ARMC1: variants seen among roughly 807,000 people sequenced by gnomAD.
ARMC1 encodes armadillo repeat containing 1.
ARMC1 carries 16 observed loss-of-function variants against 31.4 expected under a neutral mutation model. The ratio of observed to expected loss-of-function variants is 0.51; its 90% CI spans 0.34 to 0.77. ARMC1 has a LOEUF of 0.77. Among genes scored for constraint, ARMC1 ranks in the 30% least tolerant of loss-of-function variants. ARMC1 has a pLI of 0.01. For synonymous variants in ARMC1, 114 were observed against 118.9 expected (o/e 0.96, Z 0.27); for missense variants, 259 against 347.5 (o/e 0.75, Z 2.02).
At chr8:65,618,279 T>C (rs907495497) in intron 3 of ARMC1, among the ~76,000 whole-genome samples, 1 of 151,528 alleles carries the variant, frequency 6.6e-6, no homozygotes, top group Non-Finnish European at 1.5e-5. Context: ...TCCCAGCACT[T>C]TGGGAGGCCG....
chr8:65,604,274 G>C lies in ARMC1; in HGVS notation c.*120C>G. 1 of 885,112 alleles carries C rather than the reference G, an allele frequency of 1.1e-6. No individual in the cohort carries two copies. 54.8% of individuals were successfully genotyped at this position (885,112 alleles called of 1,614,324 possible). On this transcript the variant is annotated 3_prime_UTR_variant, in exon 7 of 7. Coordinates refer to ENST00000276569, the MANE Select transcript of ARMC1 (RefSeq NM_018120.6). ...ATAAAACGTGAAATGCAGCATATGC[G>C]ATCGTGTAATCTAAAAACTTTTCAT...
At chr8:65,613,464 T>C (rs996473642) in intron 3 of ARMC1, 31 bp from the exon 4 acceptor site, 6 of 1,443,916 alleles carry the variant, frequency 4.2e-6, no homozygotes, top group East Asian at 2.4e-5. Flanking sequence ...TAATTAGTCT[T>C]GTCACTTCTA....
At position 65,624,919 on chromosome 8, in the gene ARMC1, G is replaced by A. The variant is rs148432857; in HGVS notation, c.183+2297C>T. Reference sequence around the variant, plus strand: ...GCAGATCACCTGAGGTCATGAGTTCGAGACTAGCCTGGCCAACATGGTGAA... The same window carrying A: ...GCAGATCACCTGAGGTCATGAGTTCAAGACTAGCCTGGCCAACATGGTGAA... On this transcript the variant is annotated intron_variant, in intron 2 of 6. Coordinates refer to ENST00000276569, the MANE Select transcript of ARMC1 (RefSeq NM_018120.6). Among the ~76,000 whole-genome samples the A allele has an allele frequency of 9.3e-4, 141 of 152,164 alleles. 1 individual carries two copies. Among genetic ancestry groups the A allele is most frequent in the African/African-American group, 3.0e-3 (123 of 41,514 alleles).
intron 3 of ARMC1, among the ~76,000 whole-genome samples, 180 bp from the exon 4 acceptor site, chr8:65,613,613 C>T: frequency 6.6e-6 from 1 of 152,172 alleles, no homozygotes. Context: ...TAATAATCTT[C>T]TAATTTCATT....
intron 3 of ARMC1, among the ~76,000 whole-genome samples, chr8:65,616,184 C>T (rs577012437): frequency 4.6e-4 from 70 of 152,334 alleles, no homozygotes; most frequent in African/African-American, 1.6e-3. Context: ...TGATGCCGAG[C>T]GGAAGCTGGA....
intron 4 of ARMC1, among the ~76,000 whole-genome samples, chr8:65,611,534 C>G (rs941046289): frequency 5.3e-5 from 8 of 151,760 alleles, no homozygotes; most frequent in Non-Finnish European, 1.2e-4. Flanking sequence ...TGTGTAGTGA[C>G]ACGAACATAG....
intron 3 of ARMC1, among the ~76,000 whole-genome samples, chr8:65,613,959 C>CAAA (rs36010251): frequency 3.6e-5 from 5 of 139,848 alleles, no homozygotes; most frequent in Admixed American, 7.2e-5. Context: ...GACTCCATCT[C>CAAA]AAAAAAAAAA....
intron 4 of ARMC1, among the ~76,000 whole-genome samples, chr8:65,609,377 G>A (rs1487256317): frequency 1.3e-5 from 2 of 152,040 alleles, no homozygotes; most frequent in African/African-American, 4.8e-5. Context: ...TGGTATTGGA[G>A]ATATTTTATA....
chr8:65,613,959 C>CAAAA (rs36010251), intron 3 of ARMC1, among the ~76,000 whole-genome samples: 1 of 139,864 alleles, frequency 7.1e-6, no homozygotes. Flanking sequence ...GACTCCATCT[C>CAAAA]AAAAAAAAAA....
chr8:65,614,570 T>C (rs1808211202), intron 3 of ARMC1, among the ~76,000 whole-genome samples: 1 of 152,204 alleles, frequency 6.6e-6, no homozygotes, highest in Admixed American at 6.5e-5. Flanking sequence ...ATTTCACCTA[T>C]CAATGGGCTC....
rs545137983 is a variant in ARMC1 at position 65,624,848 on chromosome 8, T to A, written c.183+2368A>T. Reference sequence around the variant, plus strand: ...AAACAACACACCCAATGGCCAGGCATGGTGGCTCACACCTGTAATTTCAGC... The same window carrying A: ...AAACAACACACCCAATGGCCAGGCAAGGTGGCTCACACCTGTAATTTCAGC... On this transcript the variant is annotated intron_variant, in intron 2 of 6. Coordinates refer to ENST00000276569, the MANE Select transcript of ARMC1 (RefSeq NM_018120.6). Among the ~76,000 whole-genome samples the A allele has an allele frequency of 4.4e-3, 670 of 152,258 alleles. 4 individuals are homozygous for A. The highest frequency in any genetic ancestry group is 0.016 in the African/African-American group (644 of 41,534).
intron 1 of ARMC1, among the ~76,000 whole-genome samples, chr8:65,630,588 G>A (rs1808621366): frequency 6.6e-6 from 1 of 152,208 alleles, no homozygotes; most frequent in African/African-American, 2.4e-5. Flanking sequence ...GGAGGCCAAT[G>A]CAGCCGGATC....
intron 2 of ARMC1, among the ~76,000 whole-genome samples, chr8:65,624,459 A>G (rs917184212): frequency 7.0e-6 from 1 of 142,502 alleles, no homozygotes; most frequent in African/African-American, 2.6e-5. Flanking sequence ...AGATTGCGCC[A>G]CTGCACTCCA....
Position 65,603,179 on chromosome 8 carries a change from A to C in ARMC1, c.*1215T>G, listed in dbSNP as rs984698315. 6.6e-6 allele frequency: 1 copy of C among 152,228 alleles called. No homozygotes were observed. The highest frequency in any genetic ancestry group is 2.4e-5 in the African/African-American group (1 of 41,470). The allele number at this position is 152,228 out of a possible 1,614,324, so 9.4% of individuals were successfully genotyped here. A position where few individuals can be genotyped will look rare whatever the true frequency, so the allele number is the denominator to read the frequency against. ...ACCAAATATTTCAGAAATTTAATAAAGCATTACATATATGTAATTAGCACT... is the reference window on the plus strand; with the variant it reads ...ACCAAATATTTCAGAAATTTAATAACGCATTACATATATGTAATTAGCACT... On this transcript the variant is annotated 3_prime_UTR_variant, in exon 7 of 7. Coordinates refer to ENST00000276569, the MANE Select transcript of ARMC1 (RefSeq NM_018120.6).
Position 65,624,498 on chromosome 8 carries a change from C to CAAAAAAAAAAAA in ARMC1, c.184-2156_184-2145dup, listed in dbSNP as rs538324950. On this transcript the variant is annotated intron_variant, in intron 2 of 6. Coordinates refer to ENST00000276569, the MANE Select transcript of ARMC1 (RefSeq NM_018120.6). Reference sequence around the variant, plus strand: ...TAGGTGACAGAGCAAGACTCCATCTCAAAAAAAAAAAAAGACATTTTTAAA... The same window carrying CAAAAAAAAAAAA: ...TAGGTGACAGAGCAAGACTCCATCTCAAAAAAAAAAAAAAAAAAAAAAAAAGACATTTTTAAA... 2.6e-4 allele frequency among the ~76,000 whole-genome samples: 25 copies of CAAAAAAAAAAAA among 95,410 alleles called. 1 individual carries two copies. The highest frequency in any genetic ancestry group is 9.9e-4 in the East Asian group (3 of 3,018). The allele number at this position is 95,410 out of a possible 152,430, so 62.6% of individuals were successfully genotyped here.
chr8:65,613,283 G>T lies in ARMC1; in HGVS notation c.426C>A (p.Ala142=), dbSNP rs764165461. The T allele has an allele frequency of 6.2e-7, 1 of 1,610,990 alleles. No homozygotes were observed. Among genetic ancestry groups the T allele is most frequent in the Non-Finnish European group, 8.5e-7 (1 of 1,179,064 alleles). ...CATCTATATGCAAAACCACTGTTTT[G>T]GCACGTTTGTTTGTAGTTCCCAGAA... ...QFFLGTTNKR[A]KTVVLHIDGL... Residue 142 remains alanine (A), a synonymous_variant, in exon 4 of 7, where the codon GCC becomes GCA. Coordinates refer to ENST00000276569, the MANE Select transcript of ARMC1 (RefSeq NM_018120.6).
intron 4 of ARMC1, among the ~76,000 whole-genome samples, chr8:65,609,958 T>C (rs545666183): frequency 7.9e-5 from 12 of 152,184 alleles, no homozygotes; most frequent in Non-Finnish European, 1.3e-4. Flanking sequence ...ATCTACCAAC[T>C]GCTACCCCTA....
At chr8:65,606,029 T>C (rs1317101285) in intron 4 of ARMC1, among the ~76,000 whole-genome samples, 3 of 152,158 alleles carry the variant, frequency 2.0e-5, no homozygotes, top group East Asian at 3.9e-4. Context: ...GAGACCATCA[T>C]GGTCTACAAA....
intron 4 of ARMC1, among the ~76,000 whole-genome samples, chr8:65,610,054 A>G (rs1275744911): frequency 6.6e-6 from 1 of 151,978 alleles, no homozygotes; most frequent in Non-Finnish European, 1.5e-5. Context: ...AACAGGGACC[A>G]GATTTAGCCT....
Sources: gnomAD v4.1 joint callset for allele counts (sites outside exome capture counted in the v4.1 genomes callset) on GRCh38, gnomAD v4.1.1 for gene constraint, MANE v1.5 for transcripts, NCBI Gene and HGNC (gene_info 2026-07-23, HGNC 2026-07-21) for gene names.